The following FYCO1 variants were observed in gnomAD, a reference collection of about 807,000 sequenced individuals.
The protein encoded by FYCO1 is FYVE and coiled-coil domain autophagy adaptor 1, also known as FYVE and coiled-coil domain-containing protein 1.
In FYCO1, 122 loss-of-function variants were observed where a neutral mutation model predicts 165.1. The ratio of observed to expected loss-of-function variants is 0.74; its 90% CI spans 0.64 to 0.86. The LOEUF (loss-of-function observed/expected upper bound fraction) is 0.86, where lower values mean the gene tolerates loss of function less well. Among genes scored for constraint, FYCO1 ranks in the 40% least tolerant of loss-of-function variants. The pLI, the probability that FYCO1 is intolerant of heterozygous loss-of-function variation, is 0.00. For synonymous variants in FYCO1, 648 were observed against 742.5 expected (o/e 0.87, Z 2.07); for missense variants, 1,702 against 1,810.3 (o/e 0.94, Z 1.09).
At chr3:45,940,463 G>A (rs1704158060) in intron 14 of FYCO1, among the ~76,000 whole-genome samples, 1 of 152,138 alleles carries the variant, frequency 6.6e-6, no homozygotes, top group South Asian at 2.1e-4. Flanking sequence ...CACCTCAAAT[G>A]AGCATGCATA....
rs1162074746 is a variant in FYCO1 at position 45,973,204 on chromosome 3, A to G, written c.423T>C (p.Phe141=). 1 of 1,614,190 alleles carries G rather than the reference A, an allele frequency of 6.2e-7. No homozygotes were observed. Among genetic ancestry groups the G allele is most frequent in the Non-Finnish European group, 8.5e-7 (1 of 1,179,992 alleles). Residue 141 remains phenylalanine, a synonymous_variant, in exon 6 of 18, where the codon TTT becomes TTC. Coordinates refer to ENST00000296137, the MANE Select transcript of FYCO1 (RefSeq NM_024513.4). The stretch of plus-strand genomic sequence containing the variant: ...TGTCCGAGCTCAGCTTTGGCTGCAG[A>G]AAGGGGCTTCTTGCATAGTACCAGT... ...TSDWYYARSP[F]LQPKLSSDIV... is the part of the protein sequence containing the mutation.
At chr3:45,960,254 G>A (rs1181435071) in intron 11 of FYCO1, among the ~76,000 whole-genome samples, 1 of 152,174 alleles carries the variant, frequency 6.6e-6, no homozygotes, top group African/African-American at 2.4e-5. Context: ...CTCGTATGGA[G>A]CCCCAGCTAG....
intron 1 of FYCO1, among the ~76,000 whole-genome samples, chr3:45,990,270 G>A (rs1707502117): frequency 6.6e-6 from 1 of 152,224 alleles, no homozygotes; most frequent in African/African-American, 2.4e-5. Context: ...CGATTAAGAG[G>A]CAAGCCTGAA....
At chr3:45,924,785 G>A (rs1262305728) in intron 16 of FYCO1, among the ~76,000 whole-genome samples, 25 of 152,078 alleles carry the variant, frequency 1.6e-4, no homozygotes, top group Non-Finnish European at 2.2e-4. Context: ...GCTAATTTTT[G>A]TATTTTTAGC....
At chr3:45,927,685 A>G (rs982520550) in intron 16 of FYCO1, among the ~76,000 whole-genome samples, 2 of 152,228 alleles carry the variant, frequency 1.3e-5, no homozygotes, top group Non-Finnish European at 2.9e-5. Flanking sequence ...TAGTTCCACC[A>G]GGGACTAAGG....
chr3:45,951,444 T>TGGTAGCTAGAGGGGGA (rs1705019507), intron 14 of FYCO1, among the ~76,000 whole-genome samples: 1 of 152,198 alleles, frequency 6.6e-6, no homozygotes. Context: ...TCTGCTCATC[T>TGGTAGCTAGAGGGGGA]GGTAGCTAGA....
intron 16 of FYCO1, among the ~76,000 whole-genome samples, chr3:45,930,291 GCAGGCATCAAATTCAGACCT>G (rs1244468491): frequency 1.3e-5 from 2 of 152,148 alleles, no homozygotes; most frequent in Non-Finnish European, 2.9e-5. Flanking sequence ...CTGCAGAGAT[GCAGGCATCAAATTCAGACCT>G]CAGGCATGGG....
At position 45,963,228 on chromosome 3, in the gene FYCO1, G is replaced by GCA. The variant is rs139682068; in HGVS notation, c.3270-838_3270-837dup. ...ACACAGGCAGCATATGTGTGTGCTT[G>GCA]CACACACACACACCACACACACACA... On this transcript the variant is annotated intron_variant, in intron 10 of 17. Transcript: ENST00000296137. 2.8e-4 allele frequency among the ~76,000 whole-genome samples: 43 copies of GCA among 151,748 alleles called. 1 individual carries two copies. The East Asian group carries it at 7.2e-3, about 25-fold the overall frequency.
At chr3:45,938,160 CCCTGA>C in intron 14 of FYCO1, 1 of 1,239,386 alleles carries the variant, frequency 8.1e-7, no homozygotes, top group Non-Finnish European at 1.1e-6. Flanking sequence ...TCACCCTCCT[CCCTGA>C]CCACAGTGAT....
intron 7 of FYCO1, 129 bp downstream of exon 7, chr3:45,969,546 T>A: frequency 1.4e-6 from 1 of 715,832 alleles, no homozygotes; most frequent in Non-Finnish European, 2.5e-6. Context: ...ACAGCAGCCA[T>A]AACTGAGTGG....
intron 15 of FYCO1, among the ~76,000 whole-genome samples, chr3:45,933,177 T>C (rs996619890): frequency 6.6e-6 from 1 of 152,226 alleles, no homozygotes; most frequent in Non-Finnish European, 1.5e-5. Flanking sequence ...GCCTATTGTC[T>C]ATAAGGCTCA....
rs774833240 is a variant in FYCO1 at position 45,981,642 on chromosome 3, T to A, written c.90A>T (p.Glu30Asp). ...AVTELSKEFQ[E>D]AGEPITDDST... is the part of the protein sequence containing the mutation. ...TGTCATCCGTGATGGGTTCCCCTGC[T>A]TCCTGAAATTCTTTGCTTAGTTCTG... The change falls in exon 3 of 18, where the codon GAA (glutamate) becomes GAT (aspartate). Residue 30 changes from glutamate to aspartate, a missense_variant. Glu to Asp is a conservative substitution (Grantham distance 45). Coordinates refer to ENST00000296137, the MANE Select transcript of FYCO1 (RefSeq NM_024513.4). The A allele has an allele frequency of 6.2e-7, 1 of 1,614,028 alleles. No individual in the cohort carries two copies. The highest frequency in any genetic ancestry group is 8.5e-7 in the Non-Finnish European group (1 of 1,179,840).
At chr3:45,959,321 C>T (rs1478078658) in intron 12 of FYCO1, 72 bp downstream of exon 12, 2 of 1,548,184 alleles carry the variant, frequency 1.3e-6, no homozygotes, top group East Asian at 4.5e-5. Flanking sequence ...ACAGAGTCCT[C>T]TTTTGGAGCT....
intron 16 of FYCO1, among the ~76,000 whole-genome samples, chr3:45,928,275 T>C (rs1417162052): frequency 6.6e-6 from 1 of 152,218 alleles, no homozygotes; most frequent in Non-Finnish European, 1.5e-5. Flanking sequence ...TCAAGGGTCC[T>C]TGCTGTCAGC....
intron 4 of FYCO1, 46 bp from the exon 5 acceptor site, chr3:45,975,391 T>A: frequency 7.1e-7 from 1 of 1,415,988 alleles, no homozygotes. Flanking sequence ...TCAGCCTAAC[T>A]CCAAATACAG....
At chr3:45,989,821 C>G (rs1172933666) in intron 1 of FYCO1, among the ~76,000 whole-genome samples, 3 of 152,136 alleles carry the variant, frequency 2.0e-5, no homozygotes, top group Non-Finnish European at 4.4e-5. Flanking sequence ...TTAGAGGGCT[C>G]TGAGGTGTTG....
chr3:45,967,486 C>T lies in FYCO1; in HGVS notation c.1848G>A (p.Gln616=). The T allele has an allele frequency of 1.2e-6, 2 of 1,613,696 alleles. No homozygotes were observed. Among genetic ancestry groups the T allele is most frequent in the South Asian group, 1.1e-5 (1 of 91,086 alleles). ...GCTCCTTCTCCAGCTCCCTGTTGGC[C>T]TGCCGGAGCTCTTCCTCCTGGCTGC... is the stretch of plus-strand genomic sequence containing the variant. ...QEGSQEEELR[Q]ANRELEKELQ... Residue 616 remains glutamine, a synonymous_variant, in exon 8 of 18, where the codon CAG becomes CAA. Coordinates refer to ENST00000296137, the MANE Select transcript of FYCO1 (RefSeq NM_024513.4).
chr3:45,988,271 C>T lies in FYCO1; in HGVS notation c.-112-3249G>A, dbSNP rs540496270. 7.0e-4 allele frequency among the ~76,000 whole-genome samples: 107 copies of T among 152,294 alleles called. 1 individual carries two copies. Among genetic ancestry groups the T allele is most frequent in the Non-Finnish European group, 1.2e-3 (79 of 68,024 alleles). ...ATTTTCAGGAACTCAGCATCTTGCC[C>T]TCCTTGCTCCTCCGTCTCGGTCTGA... is the stretch of plus-strand genomic sequence containing the variant. On this transcript the variant is annotated intron_variant, in intron 1 of 17. Transcript: ENST00000296137.
chr3:45,924,270 C>T (rs551168636), intron 16 of FYCO1, among the ~76,000 whole-genome samples: 10 of 152,314 alleles, frequency 6.6e-5, no homozygotes, highest in African/African-American at 2.4e-4. Flanking sequence ...TGTCTCCTGG[C>T]TGTGCTTTGG....
Sources: allele counts gnomAD v4.1 joint callset (sites outside exome capture counted in the v4.1 genomes callset), GRCh38; gene constraint gnomAD v4.1.1; transcripts MANE v1.5; gene names NCBI Gene and HGNC (gene_info 2026-07-23, HGNC 2026-07-21).